The following DPP3 variants were observed in gnomAD, a reference collection of about 807,000 sequenced individuals.
The protein encoded by DPP3 is DPP III.
In DPP3, 64 loss-of-function variants were observed where a neutral mutation model predicts 89.8. The ratio of observed to expected loss-of-function variants is 0.71; its 90% CI spans 0.58 to 0.88. The LOEUF is 0.88. Ranked by LOEUF, DPP3 falls within the 40% of genes least tolerant of loss-of-function variation. The pLI is 0.00. For synonymous variants in DPP3, 377 were observed against 404.3 expected, an observed-to-expected ratio of 0.93 and a Z score of 0.81; for missense variants, 835 against 972.5, an observed-to-expected ratio of 0.86 and a Z score of 1.88.
At chr11:66,501,458 C>T (rs182277240) in intron 16 of DPP3, among the ~76,000 whole-genome samples, 1 of 151,852 alleles carries the variant, frequency 6.6e-6, no homozygotes, top group African/African-American at 2.4e-5. Flanking sequence ...AGAAGGGGAA[C>T]TATAGCTGAA....
At chr11:66,497,520 T>C (rs770769875) in intron 16 of DPP3, 43 bp downstream of exon 16, 1 of 1,581,862 alleles carries the variant, frequency 6.3e-7, no homozygotes, top group Non-Finnish European at 8.6e-7. Context: ...CACCAACCTC[T>C]CCAGGGGCAC....
chr11:66,495,855 G>A, intron 15 of DPP3, 105 bp downstream of exon 15: 1 of 1,503,904 alleles, frequency 6.6e-7, no homozygotes, highest in Non-Finnish European at 8.9e-7. Flanking sequence ...AGATGAACTG[G>A]GTTTAATGCT....
At chr11:66,482,744 G>A (rs1217340281) in intron 2 of DPP3, among the ~76,000 whole-genome samples, 3 of 152,250 alleles carry the variant, frequency 2.0e-5, no homozygotes, top group Non-Finnish European at 4.4e-5. Flanking sequence ...AAACTGTGGT[G>A]GAGATTCAGG....
intron 2 of DPP3, chr11:66,483,253 C>G (rs1855138157): frequency 6.6e-6 from 1 of 152,178 alleles, no homozygotes; most frequent in Non-Finnish European, 1.5e-5. Context: ...TCTTGAACTC[C>G]TGGCCTCAAG....
At chr11:66,486,933 G>A (rs1295603586) in intron 4 of DPP3, among the ~76,000 whole-genome samples, 2 of 152,168 alleles carry the variant, frequency 1.3e-5, no homozygotes, top group Non-Finnish European at 2.9e-5. Flanking sequence ...GGGAAGGAGA[G>A]GAAGGCTGGA....
chr11:66,508,200 G>A (rs1364632377), intron 17 of DPP3, among the ~76,000 whole-genome samples: 1 of 152,226 alleles, frequency 6.6e-6, no homozygotes, highest in Non-Finnish European at 1.5e-5. Context: ...CACAGAGAGG[G>A]TAGAGCAGTT....
rs960833986 is a variant in DPP3, at chr11:66,508,944, G to A, written c.2042-135G>A. 2.6e-5 allele frequency: 29 copies of A among 1,116,166 alleles called. No homozygotes were observed. In the South Asian group the frequency reaches 2.7e-4, roughly 10 times the overall value. The allele number at this position is 1,116,166 out of a possible 1,614,324, so 69.1% of individuals were successfully genotyped here. A position where few individuals can be genotyped will look rare whatever the true frequency, so the allele number is the denominator to read the frequency against. On this transcript the variant is annotated intron_variant, in intron 17 of 17. Coordinates refer to ENST00000531863, the MANE Select transcript of DPP3 (RefSeq NM_130443.4). ...GTAAATTAAGTAATTAACCTAAAACGTAGAGCACAGGTTTTTTTGGCAGAG... is the reference window on the plus strand; with the variant it reads ...GTAAATTAAGTAATTAACCTAAAACATAGAGCACAGGTTTTTTTGGCAGAG...
intron 17 of DPP3, among the ~76,000 whole-genome samples, chr11:66,508,648 G>A (rs900048300): frequency 7.2e-5 from 11 of 152,122 alleles, no homozygotes; most frequent in East Asian, 1.9e-4. Context: ...TCAGCCTCCC[G>A]AGTAGCTGGG....
At chr11:66,498,971 A>C (rs1855613328) in intron 16 of DPP3, among the ~76,000 whole-genome samples, 1 of 152,196 alleles carries the variant, frequency 6.6e-6, no homozygotes, top group African/African-American at 2.4e-5. Flanking sequence ...CCTGATCACC[A>C]CTGCACTCTA....
intron 5 of DPP3, 126 bp from the exon 6 acceptor site, chr11:66,487,788 C>G (rs1245220296): frequency 2.5e-6 from 2 of 805,380 alleles, no homozygotes; most frequent in East Asian, 2.7e-5. Flanking sequence ...CTGCTCCCAG[C>G]CAACCCAGAA....
At chr11:66,485,378 C>CAGGAA in intron 3 of DPP3, 116 bp downstream of exon 3, 1 of 979,284 alleles carries the variant, frequency 1.0e-6, no homozygotes, top group Non-Finnish European at 1.5e-6. Flanking sequence ...GAGCATGGAC[C>CAGGAA]CTGTCGCTTC....
chr11:66,509,144 C>T lies in DPP3; in HGVS notation c.2107C>T (p.Arg703Cys), dbSNP rs201013550. The T allele has an allele frequency of 1.7e-5, 27 of 1,614,086 alleles. No homozygotes were observed. Among genetic ancestry groups the T allele is most frequent in the East Asian group, 2.2e-5 (1 of 44,892 alleles). Residue 703 changes from arginine to cysteine, a missense_variant, in exon 18 of 18, where the codon CGT becomes TGT. Physicochemically the swap from Arg to Cys is radical, Grantham distance 180. Transcript: ENST00000531863. ...AAGLIRSFSE[R>C]FPEDGPELEE... ...TGGCCTCATCCGATCCTTCTCTGAG[C>T]GTTTCCCAGAGGATGGACCCGAGTT...
rs370649993 is a variant in DPP3, at chr11:66,488,878, G to T, written c.667+871G>T. ...TTTTGTTTTTGTTTTTTGAGACAGA[G>T]TCTTGCTGTATCGCCCAGGCTGGAG... is the stretch of plus-strand genomic sequence containing the variant. On this transcript the variant is annotated intron_variant, in intron 6 of 17. Transcript: ENST00000531863. Among the ~76,000 whole-genome samples, 5 of 152,256 alleles carry T rather than the reference G, an allele frequency of 3.3e-5. No homozygotes were observed. The South Asian group carries it at 8.3e-4, about 25-fold the overall frequency.
At chr11:66,486,434 G>A in intron 3 of DPP3, 106 bp from the exon 4 acceptor site, 1 of 1,342,446 alleles carries the variant, frequency 7.4e-7, no homozygotes, top group Non-Finnish European at 9.7e-7. Context: ...CACACAATGA[G>A]CCAGAGCTCT....
chr11:66,481,587 A>G (rs1855082335), intron 1 of DPP3, among the ~76,000 whole-genome samples: 1 of 152,168 alleles, frequency 6.6e-6, no homozygotes, highest in Non-Finnish European at 1.5e-5. Context: ...GGGATTAGGC[A>G]AGGCTCTTAG....
At chr11:66,485,772 G>A (rs923592562) in intron 3 of DPP3, among the ~76,000 whole-genome samples, 7 of 152,100 alleles carry the variant, frequency 4.6e-5, no homozygotes, top group Admixed American at 1.3e-4. Context: ...TTGAGACAGG[G>A]TCTTGCTCTG....
intron 16 of DPP3, among the ~76,000 whole-genome samples, chr11:66,498,280 A>T (rs1236508090): frequency 1.3e-5 from 2 of 152,154 alleles, no homozygotes; most frequent in East Asian, 3.9e-4. Flanking sequence ...TTTTTAGTGG[A>T]GACAGGGTTT....
intron 1 of DPP3, among the ~76,000 whole-genome samples, chr11:66,481,421 C>T (rs980174561): frequency 6.6e-6 from 1 of 151,954 alleles, no homozygotes; most frequent in East Asian, 1.9e-4. Flanking sequence ...ACCCGGGAGG[C>T]GGAGGTTGCA....
intron 16 of DPP3, among the ~76,000 whole-genome samples, chr11:66,500,901 C>G (rs369263329): frequency 3.2e-4 from 49 of 151,728 alleles, no homozygotes; most frequent in African/African-American, 1.2e-3. Context: ...ACTAAAAGTA[C>G]AAAAAGGCTG....
Sources: allele counts gnomAD v4.1 joint callset (sites outside exome capture counted in the v4.1 genomes callset), GRCh38; gene constraint gnomAD v4.1.1; transcripts MANE v1.5; gene names NCBI Gene and HGNC (gene_info 2026-07-23, HGNC 2026-07-21).